Variants in FSIP1 observed in about 807,000 individuals in gnomAD.
FSIP1 encodes fibrous sheath-interacting protein 1.
In FSIP1, 65 loss-of-function variants were observed where a neutral mutation model predicts 60.9. The ratio of observed to expected loss-of-function variants is 1.07; its 90% CI spans 0.87 to 1.31. FSIP1 has a LOEUF of 1.31. Ranked by LOEUF, FSIP1 falls within the 40% of genes most tolerant of loss-of-function variation. FSIP1 has a pLI of 0.00. For synonymous variants in FSIP1, 209 were observed against 221.2 expected, an observed-to-expected ratio of 0.94 and a Z score of 0.49; for missense variants, 675 against 665.5, an observed-to-expected ratio of 1.01 and a Z score of -0.16.
intron 10 of FSIP1, among the ~76,000 whole-genome samples, chr15:39,646,578 C>T (rs1265365314): frequency 6.8e-6 from 1 of 147,100 alleles, no homozygotes; most frequent in African/African-American, 2.6e-5. Context: ...GCCTGTAGTC[C>T]CAGCTACCCT....
intron 5 of FSIP1, among the ~76,000 whole-genome samples, chr15:39,761,139 C>T (rs191746986): frequency 5.1e-4 from 78 of 152,228 alleles, no homozygotes; most frequent in Non-Finnish European, 7.1e-4. Context: ...TAAATTACTA[C>T]AGCCATTATG....
At chr15:39,692,188 C>T (rs571521063) in intron 10 of FSIP1, among the ~76,000 whole-genome samples, 5 of 152,258 alleles carry the variant, frequency 3.3e-5, no homozygotes, top group Admixed American at 2.0e-4. Flanking sequence ...GAGACTTGTA[C>T]GCCACACCAG....
At chr15:39,776,174 GGGGAGGGGC>G (rs1898050836) in intron 2 of FSIP1, among the ~76,000 whole-genome samples, 1 of 94,360 alleles carries the variant, frequency 1.1e-5, no homozygotes, top group Non-Finnish European at 2.4e-5. Context: ...AGCAGAGGGA[GGGGAGGGGC>G]GGAGGGAGGA....
At chr15:39,646,355 C>A (rs771226081) in intron 10 of FSIP1, among the ~76,000 whole-genome samples, 4 of 151,772 alleles carry the variant, frequency 2.6e-5, no homozygotes, top group Non-Finnish European at 5.9e-5. Context: ...GGCAAAGGTG[C>A]TGGGGCCACA....
chr15:39,723,629 C>T (rs1896071993), intron 9 of FSIP1, among the ~76,000 whole-genome samples: 1 of 152,178 alleles, frequency 6.6e-6, no homozygotes, highest in African/African-American at 2.4e-5. Context: ...TGTGTTGAAT[C>T]AATTGTTCAA....
intron 10 of FSIP1, among the ~76,000 whole-genome samples, chr15:39,622,862 T>C (rs778584992): frequency 5.5e-4 from 84 of 152,232 alleles, no homozygotes; most frequent in Non-Finnish European, 1.8e-4. Flanking sequence ...CTCATTTTTC[T>C]GTCCATTCTA....
chr15:39,742,044 T>C (rs1896821989), intron 5 of FSIP1, 144 bp from the exon 6 acceptor site: 2 of 549,822 alleles, frequency 3.6e-6, no homozygotes, highest in Middle Eastern at 5.0e-4. Context: ...TAAGACAATG[T>C]TAATGTCACC....
intron 10 of FSIP1, among the ~76,000 whole-genome samples, chr15:39,685,700 C>A (rs1311205355): frequency 6.6e-6 from 1 of 152,078 alleles, no homozygotes; most frequent in African/African-American, 2.4e-5. Context: ...CACATCTCAT[C>A]TGAAAAAAAA....
chr15:39,669,986 C>T (rs551768252), intron 10 of FSIP1, among the ~76,000 whole-genome samples: 7 of 152,164 alleles, frequency 4.6e-5, no homozygotes, highest in Non-Finnish European at 8.8e-5. Flanking sequence ...CCAACCCTCC[C>T]GGAAACTGGA....
chr15:39,762,481 A>G (rs763528032), intron 5 of FSIP1, among the ~76,000 whole-genome samples: 3 of 152,192 alleles, frequency 2.0e-5, no homozygotes, highest in Non-Finnish European at 4.4e-5. Context: ...CCCTGTTTCC[A>G]AATAAAGACA....
intron 10 of FSIP1, among the ~76,000 whole-genome samples, chr15:39,667,895 G>A (rs1215290315): frequency 7.2e-5 from 11 of 152,194 alleles, no homozygotes; most frequent in South Asian, 4.1e-4. Flanking sequence ...GTCTAGTAAT[G>A]TAACTAGTGA....
At chr15:39,628,377 C>A (rs947496734) in intron 10 of FSIP1, among the ~76,000 whole-genome samples, 1 of 152,130 alleles carries the variant, frequency 6.6e-6, no homozygotes, top group Non-Finnish European at 1.5e-5. Flanking sequence ...TTGTTCAGTG[C>A]CAATGCATGT....
At chr15:39,683,749 C>T (rs762872441) in intron 10 of FSIP1, among the ~76,000 whole-genome samples, 14 of 152,128 alleles carry the variant, frequency 9.2e-5, no homozygotes, top group Admixed American at 3.9e-4. Flanking sequence ...AAGTTCAACA[C>T]AAAAATTAAC....
rs148131086 is a variant in FSIP1, at chr15:39,632,796, A to T, written c.1189-14551T>A. Among the ~76,000 whole-genome samples the T allele has an allele frequency of 5.8e-4, 89 of 152,260 alleles. No homozygotes were observed. The East Asian group carries it at 0.011, about 19-fold the overall frequency. ...ACAGAGTGAGACTCTGTCTCAAAAA[A>T]AAATAAATAAATAACTGTCTTTGGA... is the stretch of plus-strand genomic sequence containing the variant. On this transcript the variant is annotated intron_variant, in intron 10 of 11. Transcript: ENST00000350221.
chr15:39,725,815 C>T lies in FSIP1; in HGVS notation c.1050+774G>A, dbSNP rs1192351540. Among the ~76,000 whole-genome samples, 77 of 149,084 alleles carry T rather than the reference C, an allele frequency of 5.2e-4. 1 individual carries two copies. Among genetic ancestry groups the T allele is most frequent in the Non-Finnish European group, 9.2e-4 (62 of 67,562 alleles). ...TTTTTTTTTTTTTGACAGAGAATCTCGTTGTGTTGCCCAGGCTGGAGTGCA... is the reference window on the plus strand; with the variant it reads ...TTTTTTTTTTTTTGACAGAGAATCTTGTTGTGTTGCCCAGGCTGGAGTGCA... On this transcript the variant is annotated intron_variant, in intron 9 of 11. Transcript: ENST00000350221.
chr15:39,612,128 C>T (rs895570356), intron 11 of FSIP1, among the ~76,000 whole-genome samples: 2 of 152,124 alleles, frequency 1.3e-5, no homozygotes, highest in African/African-American at 4.8e-5. Context: ...AATAAGAAAA[C>T]ATTGGACTTG....
In FSIP1 at chr15:39,688,778, AC is replaced by A. The variant is rs200967683; in HGVS notation, c.1188+24665del. Among the ~76,000 whole-genome samples the A allele has an allele frequency of 5.8e-4, 89 of 152,236 alleles. No individual in the cohort carries two copies. The East Asian group carries it at 0.013, about 22-fold the overall frequency. On this transcript the variant is annotated intron_variant, in intron 10 of 11. Coordinates refer to ENST00000350221, the MANE Select transcript of FSIP1 (RefSeq NM_152597.5). ...CTGCTTCATGTGGCTCTGACCCAGC[AC>A]CCAATCTCTTTGCCTAACACCTGTG...
chr15:39,770,815 C>A (rs11639046), intron 2 of FSIP1, among the ~76,000 whole-genome samples: 1 of 152,222 alleles, frequency 6.6e-6, no homozygotes, highest in Non-Finnish European at 1.5e-5. Context: ...TTGCACCATT[C>A]TCCAGCAATC....
At chr15:39,738,064 T>A in intron 8 of FSIP1, 27 bp downstream of exon 8, 1 of 1,197,608 alleles carries the variant, frequency 8.3e-7, no homozygotes, top group South Asian at 1.3e-5. Context: ...TTAAGAAGTG[T>A]AGTGTTCCCT....
Sources: allele counts gnomAD v4.1 joint callset (sites outside exome capture counted in the v4.1 genomes callset), GRCh38; gene constraint gnomAD v4.1.1; transcripts MANE v1.5; gene names NCBI Gene and HGNC (gene_info 2026-07-23, HGNC 2026-07-21).